The following TNFRSF21 variants were observed in gnomAD, a reference collection of about 807,000 sequenced individuals.
TNFRSF21 encodes the protein tumor necrosis factor receptor superfamily member 21.
TNFRSF21 carries 19 observed loss-of-function variants against 45.6 expected under a neutral mutation model. The ratio of observed to expected loss-of-function variants is 0.42; its 90% CI spans 0.29 to 0.61. The LOEUF (loss-of-function observed/expected upper bound fraction) is 0.61. Among genes scored for constraint, TNFRSF21 ranks in the 20% least tolerant of loss-of-function variants. The probability of loss-of-function intolerance (pLI) is 0.23; values close to 1 mark genes in which losing one functional copy is unlikely to be tolerated. For synonymous variants in TNFRSF21, 314 were observed against 335.5 expected (o/e 0.94, Z 0.70); for missense variants, 737 against 851.5 (o/e 0.87, Z 1.67).
At chr6:47,248,782 C>T (rs2113848151) in intron 4 of TNFRSF21, among the ~76,000 whole-genome samples, 1 of 152,336 alleles carries the variant, frequency 6.6e-6, no homozygotes, top group Middle Eastern at 3.4e-3. Context: ...CCTCAGTATT[C>T]AGCATCTAAA....
chr6:47,236,122 C>T (rs1764663575), intron 4 of TNFRSF21, among the ~76,000 whole-genome samples: 1 of 152,238 alleles, frequency 6.6e-6, no homozygotes, highest in Admixed American at 6.5e-5. Flanking sequence ...GGGCACACAG[C>T]TACTGGCAGA....
At chr6:47,250,505 G>A (rs577812108) in intron 4 of TNFRSF21, among the ~76,000 whole-genome samples, 9 of 152,170 alleles carry the variant, frequency 5.9e-5, no homozygotes, top group African/African-American at 9.7e-5. Flanking sequence ...ATAATGAACC[G>A]GCTGTTCTTG....
intron 3 of TNFRSF21, 76 bp downstream of exon 3, chr6:47,283,862 A>G (rs1333841755): frequency 1.3e-6 from 2 of 1,539,180 alleles, no homozygotes; most frequent in Non-Finnish European, 1.7e-6. Flanking sequence ...ACGCATTCCC[A>G]TTCCTTCAGA....
Position 47,233,000 on chromosome 6 carries a change from G to A in TNFRSF21, c.1739-6C>T. The A allele has an allele frequency of 6.2e-7, 1 of 1,613,724 alleles. No individual in the cohort carries two copies. The highest frequency in any genetic ancestry group is 8.5e-7 in the Non-Finnish European group (1 of 1,179,658). On this transcript the variant is annotated splice_region_variant and splice_polypyrimidine_tract_variant and intron_variant, in intron 5 of 5. Coordinates refer to ENST00000296861, the MANE Select transcript of TNFRSF21 (RefSeq NM_014452.5). ...CAACACTGTGTCCTTCTTTTCTGCA[G>A]AGAAGAGAGGGAAGCAAAGACAGCT... is the stretch of plus-strand genomic sequence containing the variant.
chr6:47,257,400 T>C (rs1448073139), intron 3 of TNFRSF21, among the ~76,000 whole-genome samples: 1 of 152,228 alleles, frequency 6.6e-6, no homozygotes, highest in East Asian at 1.9e-4. Context: ...TCGCCAATGT[T>C]CTTCACTGCT....
intron 3 of TNFRSF21, among the ~76,000 whole-genome samples, chr6:47,281,800 C>A (rs1762571177): frequency 6.7e-6 from 1 of 148,560 alleles, no homozygotes; most frequent in South Asian, 2.1e-4. Flanking sequence ...TGCAACTTTT[C>A]AAAAGTTTGG....
chr6:47,255,514 T>C (rs1440987449), intron 3 of TNFRSF21, among the ~76,000 whole-genome samples: 1 of 151,928 alleles, frequency 6.6e-6, no homozygotes, highest in Non-Finnish European at 1.5e-5. Flanking sequence ...TAGGCTGGAG[T>C]GCAATGGTGC....
At chr6:47,237,542 G>A (rs1185177387) in intron 4 of TNFRSF21, among the ~76,000 whole-genome samples, 2 of 152,052 alleles carry the variant, frequency 1.3e-5, no homozygotes, top group Non-Finnish European at 2.9e-5. Flanking sequence ...ATACTAAAGA[G>A]AAAACAAATA....
At chr6:47,237,298 A>T (rs942516743) in intron 4 of TNFRSF21, among the ~76,000 whole-genome samples, 5 of 152,204 alleles carry the variant, frequency 3.3e-5, no homozygotes, top group Non-Finnish European at 5.9e-5. Flanking sequence ...AAAGAAAAAA[A>T]AATGCTCATA....
At chr6:47,290,876 G>A (rs983538219) in intron 1 of TNFRSF21, among the ~76,000 whole-genome samples, 6 of 152,214 alleles carry the variant, frequency 3.9e-5, no homozygotes, top group African/African-American at 1.4e-4. Context: ...CATGCCATGG[G>A]CTGAGGATAG....
chr6:47,293,149 T>C (rs752193381), intron 1 of TNFRSF21, among the ~76,000 whole-genome samples: 11 of 152,218 alleles, frequency 7.2e-5, no homozygotes, highest in Non-Finnish European at 1.3e-4. Context: ...CCTAATTACA[T>C]ATTGTCTTGT....
At chr6:47,291,694 C>T (rs866774398) in intron 1 of TNFRSF21, among the ~76,000 whole-genome samples, 11 of 152,316 alleles carry the variant, frequency 7.2e-5, no homozygotes, top group African/African-American at 2.4e-4. Flanking sequence ...CTCCACTTTA[C>T]CAATTTGCTA....
chr6:47,248,568 G>T (rs1213635753), intron 4 of TNFRSF21, among the ~76,000 whole-genome samples: 1 of 152,170 alleles, frequency 6.6e-6, no homozygotes, highest in Non-Finnish European at 1.5e-5. Flanking sequence ...GACAGCTATT[G>T]AGGAAGCAGA....
At chr6:47,305,381 G>A (rs959410842) in intron 1 of TNFRSF21, among the ~76,000 whole-genome samples, 1 of 152,164 alleles carries the variant, frequency 6.6e-6, no homozygotes, top group African/African-American at 2.4e-5. Flanking sequence ...AATACAGGGT[G>A]TTAAATCAGT....
At chr6:47,295,897 C>A (rs1762784346) in intron 1 of TNFRSF21, among the ~76,000 whole-genome samples, 1 of 152,082 alleles carries the variant, frequency 6.6e-6, no homozygotes, top group Non-Finnish European at 1.5e-5. Context: ...AATGTGCTGA[C>A]TGCAGGACTG....
chr6:47,290,251 C>T (rs1380718955), intron 1 of TNFRSF21, among the ~76,000 whole-genome samples: 2 of 152,056 alleles, frequency 1.3e-5, no homozygotes, highest in Non-Finnish European at 2.9e-5. Context: ...CGGTGGTCGG[C>T]GATGAATATC....
intron 4 of TNFRSF21, among the ~76,000 whole-genome samples, chr6:47,239,285 CAAAAAAAAAAAAA>C (rs548172761): frequency 7.0e-5 from 4 of 57,366 alleles, no homozygotes; most frequent in Admixed American, 2.0e-4. Flanking sequence ...GACTCCATCT[CAAAAAAAAAAAAA>C]AAAAAAAAAA....
intron 1 of TNFRSF21, among the ~76,000 whole-genome samples, chr6:47,302,177 A>G (rs1561953974): frequency 6.6e-6 from 1 of 152,200 alleles, no homozygotes; most frequent in Non-Finnish European, 1.5e-5. Context: ...AGCGAGTGCT[A>G]CCAGTCAGTA....
intron 4 of TNFRSF21, among the ~76,000 whole-genome samples, chr6:47,250,404 T>A (rs1299728713): frequency 1.3e-5 from 2 of 151,900 alleles, no homozygotes; most frequent in Non-Finnish European, 2.9e-5. Flanking sequence ...AAGAAGAGAG[T>A]GCTGAAAAAT....
Sources: allele counts gnomAD v4.1 joint callset (sites outside exome capture counted in the v4.1 genomes callset), GRCh38; gene constraint gnomAD v4.1.1; transcripts MANE v1.5; gene names NCBI Gene and HGNC (gene_info 2026-07-23, HGNC 2026-07-21).